Variants in CCDC85A observed in about 807,000 individuals in gnomAD.
The protein encoded by CCDC85A is coiled-coil domain containing 85A, also known as coiled-coil domain-containing protein 85A.
In CCDC85A, 38 loss-of-function variants were observed where a neutral mutation model predicts 50.2. That is an observed-to-expected ratio of 0.76 (90% confidence interval 0.58 to 0.99). The LOEUF (loss-of-function observed/expected upper bound fraction) is 0.99. Among genes scored for constraint, CCDC85A ranks in the 50% least tolerant of loss-of-function variants. The pLI is 0.00. For missense variants in CCDC85A, 820 were observed against 742.0 expected (o/e 1.11, Z -1.22); for synonymous variants, 366 against 301.4 (o/e 1.21, Z -2.22).
intron 2 of CCDC85A, among the ~76,000 whole-genome samples, chr2:56,290,819 T>A (rs1360129562): frequency 6.6e-6 from 1 of 152,220 alleles, no homozygotes; most frequent in Admixed American, 6.5e-5. Flanking sequence ...TTTGTAGGGA[T>A]GTTAATTGGC....
At chr2:56,349,750 T>G (rs985304507) in intron 3 of CCDC85A, among the ~76,000 whole-genome samples, 9 of 152,192 alleles carry the variant, frequency 5.9e-5, no homozygotes, top group African/African-American at 2.2e-4. Flanking sequence ...TGGGACTGTG[T>G]TATCAATAAT....
chr2:56,339,083 G>GC (rs1674226582), intron 2 of CCDC85A, among the ~76,000 whole-genome samples: 1 of 152,174 alleles, frequency 6.6e-6, no homozygotes, highest in East Asian at 1.9e-4. Context: ...ATCTAATAGG[G>GC]AATGTGTGTT....
In CCDC85A at chr2:56,232,629, G is replaced by T. The variant is rs537077349; in HGVS notation, c.1240+39189G>T. Among the ~76,000 whole-genome samples the T allele has an allele frequency of 3.9e-5, 6 of 152,132 alleles. No individual in the cohort carries two copies. In the South Asian group the frequency reaches 6.2e-4, roughly 16 times the overall value. On this transcript the variant is annotated intron_variant, in intron 2 of 5. Coordinates refer to ENST00000407595, the MANE Select transcript of CCDC85A (RefSeq NM_001080433.2). ...CCACTATGATTGTAAGTTTCCTGAG[G>T]CCTCTAGCCACACAGAACTGTGAGT...
chr2:56,184,884 A>G lies in CCDC85A; in HGVS notation c.260A>G (p.Glu87Gly). The change falls in exon 1 of 6, where the codon GAG becomes GGG. Residue 87 changes from glutamate (E) to glycine (G), a missense_variant. Glu to Gly is a moderately conservative substitution (Grantham distance 98). Coordinates refer to ENST00000407595, the MANE Select transcript of CCDC85A (RefSeq NM_001080433.2). ...CGCCGCCTGCAGCTGCACCTCGGCG[A>G]GATCCGCGGCCTCAAGGTGAGCGCG... ...VNRRLQLHLG[E>G]IRGLKDINQK... 1 of 1,522,570 alleles carries G rather than the reference A, an allele frequency of 6.6e-7. No individual in the cohort carries two copies. The highest frequency in any genetic ancestry group is 1.2e-5 in the South Asian group (1 of 81,540). The allele number at this position is 1,522,570 out of a possible 1,614,324, so 94.3% of individuals were successfully genotyped here. A position where few individuals can be genotyped will look rare whatever the true frequency, so the allele number is the denominator to read the frequency against.
chr2:56,300,446 C>G (rs1376521276), intron 2 of CCDC85A, among the ~76,000 whole-genome samples: 1 of 152,188 alleles, frequency 6.6e-6, no homozygotes, highest in Non-Finnish European at 1.5e-5. Context: ...TGACAATCCT[C>G]TCTCCACTTC....
chr2:56,205,160 C>T (rs1003117468), intron 2 of CCDC85A, among the ~76,000 whole-genome samples: 1 of 152,014 alleles, frequency 6.6e-6, no homozygotes, highest in Non-Finnish European at 1.5e-5. Context: ...CTGATTTTCT[C>T]AGGCCTCTTT....
At chr2:56,359,245 T>C (rs1248399694) in intron 3 of CCDC85A, among the ~76,000 whole-genome samples, 4 of 152,182 alleles carry the variant, frequency 2.6e-5, no homozygotes, top group Non-Finnish European at 5.9e-5. Flanking sequence ...TAACCAGTGG[T>C]AGTTGAGCAA....
At chr2:56,294,964 A>T (rs888490857) in intron 2 of CCDC85A, among the ~76,000 whole-genome samples, 1 of 152,206 alleles carries the variant, frequency 6.6e-6, no homozygotes, top group Non-Finnish European at 1.5e-5. Flanking sequence ...AATTCTGAGG[A>T]CTAAATACAT....
intron 2 of CCDC85A, among the ~76,000 whole-genome samples, chr2:56,272,171 T>C (rs1453215819): frequency 1.3e-5 from 2 of 152,154 alleles, no homozygotes; most frequent in Non-Finnish European, 2.9e-5. Context: ...TAATAAGTAT[T>C]AATCCCTAAG....
intron 2 of CCDC85A, among the ~76,000 whole-genome samples, chr2:56,329,535 T>C (rs1381190252): frequency 6.6e-6 from 1 of 152,208 alleles, no homozygotes; most frequent in Non-Finnish European, 1.5e-5. Context: ...TTAGATTATC[T>C]AAACTAACTG....
intron 2 of CCDC85A, among the ~76,000 whole-genome samples, chr2:56,207,449 G>A (rs1340504508): frequency 6.6e-6 from 1 of 152,180 alleles, no homozygotes; most frequent in East Asian, 1.9e-4. Flanking sequence ...AACCTCTAGT[G>A]TTACCCAGTG....
At chr2:56,370,302 C>T (rs934875847) in intron 3 of CCDC85A, among the ~76,000 whole-genome samples, 17 of 151,882 alleles carry the variant, frequency 1.1e-4, no homozygotes, top group African/African-American at 3.6e-4. Flanking sequence ...GTAGGCCCTG[C>T]GAAACACTAA....
At chr2:56,356,894 C>T (rs984227481) in intron 3 of CCDC85A, among the ~76,000 whole-genome samples, 1 of 151,594 alleles carries the variant, frequency 6.6e-6, no homozygotes, top group Non-Finnish European at 1.5e-5. Context: ...ATGGTGAAAC[C>T]CCATCTCTAC....
At chr2:56,350,967 G>A (rs1674899206) in intron 3 of CCDC85A, among the ~76,000 whole-genome samples, 2 of 143,722 alleles carry the variant, frequency 1.4e-5, no homozygotes, top group Non-Finnish European at 3.0e-5. Flanking sequence ...TCGTCATTTA[G>A]CATTAGGTAT....
At chr2:56,351,716 C>A (rs7600671) in intron 3 of CCDC85A, among the ~76,000 whole-genome samples, 45,482 of 132,794 alleles carry the variant, frequency 0.34, 6,319 homozygotes, top group African/African-American at 0.52. Flanking sequence ...TTTTTCTTGT[C>A]AATTTGTTTG....
chr2:56,355,163 G>A (rs1367195898), intron 3 of CCDC85A, among the ~76,000 whole-genome samples: 2 of 152,180 alleles, frequency 1.3e-5, no homozygotes, highest in Non-Finnish European at 2.9e-5. Context: ...CGGCTCCTAG[G>A]ATTGGAGCTC....
At chr2:56,306,356 G>A (rs1453165116) in intron 2 of CCDC85A, among the ~76,000 whole-genome samples, 2 of 152,126 alleles carry the variant, frequency 1.3e-5, no homozygotes, top group East Asian at 3.9e-4. Flanking sequence ...TTGAACTCCT[G>A]ACCTCAGGTG....
intron 2 of CCDC85A, among the ~76,000 whole-genome samples, chr2:56,320,033 T>G (rs1470551538): frequency 1.3e-5 from 2 of 152,150 alleles, no homozygotes; most frequent in African/African-American, 4.8e-5. Flanking sequence ...TGCTCCTGAA[T>G]GACTACTGGG....
At chr2:56,356,602 C>T (rs1442518257) in intron 3 of CCDC85A, among the ~76,000 whole-genome samples, 1 of 151,370 alleles carries the variant, frequency 6.6e-6, no homozygotes, top group Non-Finnish European at 1.5e-5. Context: ...GGCATGGTGG[C>T]AGACACCTGT....
Sources: gnomAD v4.1 joint callset for allele counts (sites outside exome capture counted in the v4.1 genomes callset) on GRCh38, gnomAD v4.1.1 for gene constraint, MANE v1.5 for transcripts, NCBI Gene and HGNC (gene_info 2026-07-23, HGNC 2026-07-21) for gene names.